GOLGA3: variants seen among roughly 807,000 people sequenced by gnomAD.
GOLGA3 encodes golgin subfamily A member 3.
In GOLGA3, 75 loss-of-function variants were observed where a neutral mutation model predicts 169.4. The observed-to-expected ratio is 0.44, with a 90% CI of 0.37 to 0.54. The LOEUF (loss-of-function observed/expected upper bound fraction) is 0.54. Ranked by LOEUF, GOLGA3 falls within the 20% of genes least tolerant of loss-of-function variation. The probability of loss-of-function intolerance (pLI) is 0.00; values close to 1 mark genes in which losing one functional copy is unlikely to be tolerated. For missense variants in GOLGA3, 1,899 were observed against 1,930.0 expected, an observed-to-expected ratio of 0.98 and a Z score of 0.30; for synonymous variants, 824 against 822.4, an observed-to-expected ratio of 1.00 and a Z score of -0.03.
intron 15 of GOLGA3, among the ~76,000 whole-genome samples, chr12:132,785,584 A>C (rs74531549): frequency 0.089 from 13,475 of 152,116 alleles, 762 homozygotes; most frequent in East Asian, 0.14. Flanking sequence ...AAGCGCTGGG[A>C]TTATAGGTGT....
At chr12:132,782,768 C>T (rs2045674001) in intron 16 of GOLGA3, among the ~76,000 whole-genome samples, 1 of 151,260 alleles carries the variant, frequency 6.6e-6, no homozygotes, top group Admixed American at 6.6e-5. Flanking sequence ...CCCAGCTACT[C>T]AGGAGGCTGA....
At position 132,777,143 on chromosome 12, in the gene GOLGA3, G is replaced by C. The variant is rs952514839; in HGVS notation, c.3723-53C>G. 18 of 1,531,022 alleles carry C rather than the reference G, an allele frequency of 1.2e-5. No homozygotes were observed. The highest frequency in any genetic ancestry group is 7.7e-5 in the South Asian group (6 of 77,688). The allele number at this position is 1,531,022 out of a possible 1,614,324, so 94.8% of individuals were successfully genotyped here. A position where few individuals can be genotyped will look rare whatever the true frequency, so the allele number is the denominator to read the frequency against. ...AATCGCCACGCTCCTCCAGTGTGCT[G>C]TGCCCTCCCGCTGGGAAATGCTGCC... On this transcript the variant is annotated intron_variant, in intron 19 of 23. Coordinates refer to ENST00000450791, the MANE Select transcript of GOLGA3 (RefSeq NM_001389683.1). This position sits in a 1 kb window ranked among gnomAD's most constrained non-coding sequence, Gnocchi z 4.7.
rs1225999211 is a variant in GOLGA3, at chr12:132,796,005, C to T, written c.2316G>A (p.Gln772=). 1 of 1,613,398 alleles carries T rather than the reference C, an allele frequency of 6.2e-7. No homozygotes were observed. Among genetic ancestry groups the T allele is most frequent in the Middle Eastern group, 1.6e-4 (1 of 6,062 alleles). Residue 772 remains glutamine (Q), a synonymous_variant, in exon 11 of 24, where the codon CAG becomes CAA. Coordinates refer to ENST00000450791, the MANE Select transcript of GOLGA3 (RefSeq NM_001389683.1). ...ASREDTICLL[Q]NEKIILEAAL... ...CCGCCTCCAAGATGATCTTCTCGTT[C>T]TGCAGGAGGCAGATCGTGTCCTCCC...
At chr12:132,792,550 C>G (rs559817902) in intron 11 of GOLGA3, among the ~76,000 whole-genome samples, 2 of 152,340 alleles carry the variant, frequency 1.3e-5, no homozygotes, top group Admixed American at 1.3e-4. Context: ...GAGCCTCGGG[C>G]CCCACACAGA....
At chr12:132,810,447 T>C (rs754957700) in intron 4 of GOLGA3, among the ~76,000 whole-genome samples, 2 of 152,174 alleles carry the variant, frequency 1.3e-5, no homozygotes, top group African/African-American at 2.4e-5. Context: ...ATACCAGATA[T>C]AGATCTTAGA....
rs775546396 is a variant in GOLGA3, at chr12:132,791,245, T to C, written c.2518A>G (p.Lys840Glu). 6.2e-7 allele frequency: 1 copy of C among 1,607,616 alleles called. No individual in the cohort carries two copies. The highest frequency in any genetic ancestry group is 1.3e-5 in the African/African-American group (1 of 74,802). Residue 840 changes from lysine (K) to glutamate (E), a missense_variant, in exon 12 of 24, where the codon AAA (lysine) becomes GAA (glutamate). Physicochemically the swap from Lys to Glu is moderately conservative, Grantham distance 56 (BLOSUM62 1). Coordinates refer to ENST00000450791, the MANE Select transcript of GOLGA3 (RefSeq NM_001389683.1). Reference sequence around the variant, plus strand: ...TGTTGGAGAAACTGTTCCTTTATTTTTTGCATTTGCTTTTTCAGAGCAGCA... The same window carrying C: ...TGTTGGAGAAACTGTTCCTTTATTTCTTGCATTTGCTTTTTCAGAGCAGCA... ...ETAALKKQMQ[K>E]IKEQFLQQKV...
Position 132,796,031 on chromosome 12 carries a change from T to C in GOLGA3, c.2290A>G (p.Arg764Gly), listed in dbSNP as rs1363230719. The C allele has an allele frequency of 3.7e-6, 6 of 1,612,700 alleles. No homozygotes were observed. Among genetic ancestry groups the C allele is most frequent in the African/African-American group, 2.7e-5 (2 of 74,932 alleles). Residue 764 changes from arginine to glycine, a missense_variant, in exon 11 of 24, where the codon AGG (arginine) becomes GGG (glycine). Physicochemically the swap from Arg to Gly is moderately radical, Grantham distance 125 (BLOSUM62 -2). Transcript: ENST00000450791. ...LGELQGEAASREDTICLLQNE... is the reference protein window; with the variant it reads ...LGELQGEAASGEDTICLLQNE... ...TGCAGGAGGCAGATCGTGTCCTCCCTGGAGGCGGCCTCGCCCTGCAGCTCC... is the reference window on the plus strand; with the variant it reads ...TGCAGGAGGCAGATCGTGTCCTCCCCGGAGGCGGCCTCGCCCTGCAGCTCC...
chr12:132,791,866 C>A (rs1456521153), intron 11 of GOLGA3, among the ~76,000 whole-genome samples: 1 of 138,730 alleles, frequency 7.2e-6, no homozygotes, highest in Non-Finnish European at 1.6e-5. Flanking sequence ...ACACTGAGGG[C>A]TCCAGAAGGG....
intron 1 of GOLGA3, among the ~76,000 whole-genome samples, chr12:132,822,604 C>T (rs576176627): frequency 2.1e-4 from 32 of 152,314 alleles, no homozygotes; most frequent in Non-Finnish European, 3.4e-4. Context: ...TCACACAGGG[C>T]AACTGAGCTT....
chr12:132,820,127 G>A (rs1950148831), intron 2 of GOLGA3, among the ~76,000 whole-genome samples: 1 of 151,772 alleles, frequency 6.6e-6, no homozygotes, highest in Non-Finnish European at 1.5e-5. Flanking sequence ...CATGAGCCGA[G>A]ATCGCACCAT....
intron 7 of GOLGA3, among the ~76,000 whole-genome samples, chr12:132,803,219 G>C (rs1593323630): frequency 6.6e-6 from 1 of 152,220 alleles, no homozygotes; most frequent in Non-Finnish European, 1.5e-5. Flanking sequence ...AAGGCAGGCA[G>C]AGTATCCTGC....
intron 16 of GOLGA3, 90 bp from the exon 17 acceptor site, chr12:132,782,583 A>C: frequency 9.3e-7 from 1 of 1,079,248 alleles, no homozygotes; most frequent in Non-Finnish European, 1.4e-6. Flanking sequence ...AACAAGAAAC[A>C]GCGAAAACTT....
chr12:132,781,518 C>A (rs936478480), intron 17 of GOLGA3, among the ~76,000 whole-genome samples: 1 of 152,020 alleles, frequency 6.6e-6, no homozygotes, highest in Admixed American at 6.6e-5. Context: ...CCACTGCACT[C>A]CAGCCTGAGA....
At chr12:132,782,204 C>T (rs1448520469) in intron 17 of GOLGA3, 92 bp downstream of exon 17, 3 of 1,197,742 alleles carry the variant, frequency 2.5e-6, no homozygotes, top group Non-Finnish European at 3.7e-6. Flanking sequence ...GGAGTCAGCA[C>T]AGGTGACTGA....
chr12:132,796,767 C>G (rs1001302511), intron 9 of GOLGA3, 67 bp from the exon 10 acceptor site: 6 of 1,497,772 alleles, frequency 4.0e-6, no homozygotes, highest in Non-Finnish European at 4.6e-6. Context: ...CCGGTGGCCC[C>G]GTGCTCTGCA....
chr12:132,825,990 G>T, intron 1 of GOLGA3: 6 of 1,091,840 alleles, frequency 5.5e-6, no homozygotes, highest in Non-Finnish European at 8.5e-6. Flanking sequence ...CACTACATCC[G>T]CAAGTACAAC....
At chr12:132,802,794 G>A (rs537586307) in intron 7 of GOLGA3, among the ~76,000 whole-genome samples, 101 of 149,292 alleles carry the variant, frequency 6.8e-4, no homozygotes, top group African/African-American at 2.3e-3. Context: ...AGTGGCTCAC[G>A]CCTGTAATCC....
chr12:132,792,048 C>T (rs1948557043), intron 11 of GOLGA3, among the ~76,000 whole-genome samples: 2 of 151,614 alleles, frequency 1.3e-5, no homozygotes, highest in South Asian at 4.2e-4. Context: ...CAGGGGGACA[C>T]ATCTACACAG....
At chr12:132,774,542 A>T (rs1201465577) in intron 22 of GOLGA3, 3 of 592,510 alleles carry the variant, frequency 5.1e-6, no homozygotes, top group Non-Finnish European at 9.0e-6. Context: ...ACCAGAGCAA[A>T]GCAGAGACAA....
Sources: allele counts gnomAD v4.1 joint callset (sites outside exome capture counted in the v4.1 genomes callset), GRCh38; gene constraint gnomAD v4.1.1; non-coding constraint Gnocchi (gnomAD v3.1); transcripts MANE v1.5; gene names NCBI Gene and HGNC (gene_info 2026-07-23, HGNC 2026-07-21).